The following SOX6 variants were observed in gnomAD, a reference collection of about 807,000 sequenced individuals.
SOX6 encodes transcription factor SOX-6.
A neutral mutation model predicts 97.8 loss-of-function variants in SOX6; 11 were observed. The observed-to-expected ratio is 0.11, with a 90% CI of 0.07 to 0.19. The LOEUF is 0.19. SOX6 is among the 10% of genes least tolerant of loss of function. The pLI is 1.00. For missense variants in SOX6, 810 were observed against 1,039.5 expected (o/e 0.78, Z 3.04); for synonymous variants, 360 against 371.4 (o/e 0.97, Z 0.35).
intron 1 of SOX6, among the ~76,000 whole-genome samples, chr11:16,416,602 T>C (rs983880778): frequency 2.6e-5 from 4 of 152,174 alleles, no homozygotes; most frequent in Non-Finnish European, 4.4e-5. Flanking sequence ...ATCTCAGAAT[T>C]TGGACTTTAA....
intron 4 of SOX6, among the ~76,000 whole-genome samples, chr11:16,505,901 G>A (rs1474806603): frequency 6.6e-6 from 1 of 152,222 alleles, no homozygotes; most frequent in Non-Finnish European, 1.5e-5. Flanking sequence ...GTTGAGGCTT[G>A]GGAGCCTCTG....
chr11:16,334,638 A>C (rs1590134415), intron 2 of SOX6, among the ~76,000 whole-genome samples: 1 of 151,816 alleles, frequency 6.6e-6, no homozygotes, highest in Admixed American at 6.6e-5. Context: ...ATGTTGGCCA[A>C]GCTGGTCTCA....
At chr11:16,575,659 G>A (rs570659823) in intron 4 of SOX6, among the ~76,000 whole-genome samples, 2 of 152,078 alleles carry the variant, frequency 1.3e-5, no homozygotes, top group Admixed American at 6.5e-5. Context: ...GCATAAAAAC[G>A]GGCAAAATCG....
intron 9 of SOX6, among the ~76,000 whole-genome samples, chr11:16,080,391 C>T (rs1212306954): frequency 6.6e-6 from 1 of 152,064 alleles, no homozygotes; most frequent in Non-Finnish European, 1.5e-5. Context: ...TTTAATCTCT[C>T]TGGGCCTTAC....
At chr11:16,493,410 C>A (rs1476031467) in intron 4 of SOX6, among the ~76,000 whole-genome samples, 1 of 152,034 alleles carries the variant, frequency 6.6e-6, no homozygotes, top group African/African-American at 2.4e-5. Flanking sequence ...CATGCATGCT[C>A]TGGGGGTGAA....
chr11:16,526,810 A>G (rs1367434612), intron 4 of SOX6, among the ~76,000 whole-genome samples: 4 of 152,120 alleles, frequency 2.6e-5, no homozygotes, highest in Admixed American at 2.6e-4. Context: ...CATAGAACAC[A>G]AAAGAGAAAT....
At chr11:16,149,833 A>G (rs1850413518) in intron 6 of SOX6, among the ~76,000 whole-genome samples, 1 of 152,192 alleles carries the variant, frequency 6.6e-6, no homozygotes, top group Admixed American at 6.5e-5. Context: ...AACTGGTGTT[A>G]ATGACCCAGT....
intron 1 of SOX6, among the ~76,000 whole-genome samples, chr11:16,393,182 T>C (rs1050011927): frequency 1.3e-5 from 2 of 152,190 alleles, no homozygotes; most frequent in East Asian, 1.9e-4. Flanking sequence ...TCAGGACACC[T>C]ACTGAATTCT....
chr11:16,203,700 C>A (rs891047681), intron 4 of SOX6, among the ~76,000 whole-genome samples: 7 of 152,060 alleles, frequency 4.6e-5, no homozygotes, highest in Non-Finnish European at 1.0e-4. Flanking sequence ...ATTAATTGAG[C>A]AATCAAGAGC....
At chr11:16,348,993 G>A (rs979563560) in intron 1 of SOX6, among the ~76,000 whole-genome samples, 24 of 152,056 alleles carry the variant, frequency 1.6e-4, no homozygotes, top group African/African-American at 5.5e-4. Flanking sequence ...ATCCAAATTT[G>A]GTGACCATAT....
intron 4 of SOX6, among the ~76,000 whole-genome samples, chr11:16,187,348 C>CT (rs1255090102): frequency 6.6e-6 from 1 of 152,118 alleles, no homozygotes; most frequent in African/African-American, 2.4e-5. Context: ...AGCTCAGTGA[C>CT]TAACAGTATC....
At chr11:16,311,951 C>G (rs1235106425) in intron 3 of SOX6, 1 of 152,120 alleles carries the variant, frequency 6.6e-6, no homozygotes, top group Non-Finnish European at 1.5e-5. Context: ...CAAATATACA[C>G]ATAAACACAT....
At chr11:16,282,195 C>T (rs1480728783) in intron 3 of SOX6, among the ~76,000 whole-genome samples, 1 of 150,672 alleles carries the variant, frequency 6.6e-6, no homozygotes, top group East Asian at 1.9e-4. Flanking sequence ...AAATAAAATG[C>T]CTTATATCTG....
At chr11:16,531,388 T>A (rs955367162) in intron 4 of SOX6, among the ~76,000 whole-genome samples, 1 of 151,742 alleles carries the variant, frequency 6.6e-6, no homozygotes, top group African/African-American at 2.4e-5. Flanking sequence ...ACATTTATAA[T>A]AAAAAAAGAA....
chr11:16,443,859 A>G (rs1352303460), intron 1 of SOX6, among the ~76,000 whole-genome samples: 2 of 152,082 alleles, frequency 1.3e-5, no homozygotes, highest in East Asian at 3.9e-4. Context: ...CTAAAAATAC[A>G]AAAATTAGCT....
intron 3 of SOX6, chr11:16,313,588 A>G (rs1241249262): frequency 6.6e-6 from 1 of 152,144 alleles, no homozygotes; most frequent in African/African-American, 2.4e-5. Context: ...CCTTAGACCT[A>G]GAATATAATT....
At chr11:16,453,146 C>G (rs917835550) in intron 1 of SOX6, among the ~76,000 whole-genome samples, 1 of 152,074 alleles carries the variant, frequency 6.6e-6, no homozygotes, top group Admixed American at 6.6e-5. Flanking sequence ...TTTTTTTCCT[C>G]TGAAGCTATG....
chr11:16,609,613 C>T (rs1175680812), intron 4 of SOX6, among the ~76,000 whole-genome samples: 2 of 152,126 alleles, frequency 1.3e-5, no homozygotes, highest in African/African-American at 4.8e-5. Context: ...TTGAAGAAAA[C>T]GGAGACAGGA....
At position 16,141,944 on chromosome 11, in the gene SOX6, A is replaced by C. The variant is rs572606995; in HGVS notation, c.778-30021T>G. The stretch of plus-strand genomic sequence containing the variant: ...CTCTGGAGGCAGGGCAGAGCTGAAC[A>C]AAAGGCAGCAGAAACCTCTGCAGAC... On this transcript the variant is annotated intron_variant, in intron 6 of 15. Transcript: ENST00000683767. 1.3e-3 allele frequency among the ~76,000 whole-genome samples: 192 copies of C among 152,272 alleles called. 1 individual carries two copies. Among genetic ancestry groups the C allele is most frequent in the Non-Finnish European group, 2.9e-4 (20 of 68,022 alleles).
Sources: gnomAD v4.1 joint callset for allele counts (sites outside exome capture counted in the v4.1 genomes callset) on GRCh38, gnomAD v4.1.1 for gene constraint, MANE v1.5 for transcripts, NCBI Gene and HGNC (gene_info 2026-07-23, HGNC 2026-07-21) for gene names.